Variants in C3orf20 observed in about 807,000 individuals in gnomAD.
C3orf20 encodes the protein family with sequence similarity 149 member C.
C3orf20 carries 76 observed loss-of-function variants against 88.3 expected under a neutral mutation model. That is an observed-to-expected ratio of 0.86 (90% CI 0.72 to 1.04). The LOEUF (loss-of-function observed/expected upper bound fraction) is 1.04, where lower values mean the gene tolerates loss of function less well. Ranked by LOEUF, C3orf20 falls within the 50% of genes least tolerant of loss-of-function variation. The pLI is 0.00. For missense variants in C3orf20, 1,056 were observed against 1,123.3 expected (o/e 0.94, Z 0.86); for synonymous variants, 436 against 437.4 (o/e 1.00, Z 0.04).
chr3:14,767,488 A>T (rs913276615), intron 15 of C3orf20: 1 of 152,190 alleles, frequency 6.6e-6, no homozygotes, highest in African/African-American at 2.4e-5. Context: ...TCCCTGTGGG[A>T]TGGGGGTGTA....
rs2032280871 is a variant in C3orf20 at position 14,684,306 on chromosome 3, T to C, written c.549T>C (p.Asn183=). The change falls in exon 4 of 17, where the codon AAT becomes AAC. Residue 183 remains asparagine, a synonymous_variant. Coordinates refer to ENST00000253697, the MANE Select transcript of C3orf20 (RefSeq NM_032137.5). Reference sequence around the variant, plus strand: ...AGGCCAGCCAGCTCCTCCACCTCAATGCCAAGGAGATGGCCTTCAACTGCC... The same window carrying C: ...AGGCCAGCCAGCTCCTCCACCTCAACGCCAAGGAGATGGCCTTCAACTGCC... ...FVEASQLLHL[N]AKEMAFNCLI... The C allele has an allele frequency of 6.2e-7, 1 of 1,614,038 alleles. No homozygotes were observed. Among genetic ancestry groups the C allele is most frequent in the African/African-American group, 1.3e-5 (1 of 74,922 alleles).
In C3orf20 at chr3:14,720,064, C is replaced by G. The variant is rs186200023; in HGVS notation, c.1435-1589C>G. The stretch of plus-strand genomic sequence containing the variant: ...TGTTTTTTTGAGATAGAGTCTCACT[C>G]TGTCGCCTAGGCTGGAGTGTAGTGG... On this transcript the variant is annotated intron_variant, in intron 9 of 16. Transcript: ENST00000253697. Among the ~76,000 whole-genome samples, 589 of 152,154 alleles carry G rather than the reference C, an allele frequency of 3.9e-3. 2 individuals are homozygous for G. The highest frequency in any genetic ancestry group is 5.2e-3 in the Non-Finnish European group (356 of 68,020).
intron 7 of C3orf20, among the ~76,000 whole-genome samples, chr3:14,712,848 A>C (rs2033804619): frequency 6.6e-6 from 1 of 152,186 alleles, no homozygotes; most frequent in Non-Finnish European, 1.5e-5. Flanking sequence ...ACTAGTGATT[A>C]ACTTCCTCAA....
chr3:14,679,672 C>A (rs1323794885), intron 1 of C3orf20, among the ~76,000 whole-genome samples: 3 of 152,144 alleles, frequency 2.0e-5, no homozygotes, highest in Non-Finnish European at 2.9e-5. Context: ...ATGTTCATTC[C>A]CTGAAGGCAG....
At chr3:14,684,505 C>A in intron 4 of C3orf20, 123 bp downstream of exon 4, 3 of 1,294,244 alleles carry the variant, frequency 2.3e-6, no homozygotes, top group East Asian at 2.5e-5. Flanking sequence ...GGATGTGGAG[C>A]AACAGGGATT....
At chr3:14,725,105 C>T (rs777550074) in intron 10 of C3orf20, among the ~76,000 whole-genome samples, 4 of 152,326 alleles carry the variant, frequency 2.6e-5, no homozygotes, top group African/African-American at 7.2e-5. Flanking sequence ...TGTATGACAA[C>T]ATTCTAACAA....
At chr3:14,709,337 A>G (rs774105397) in intron 7 of C3orf20, among the ~76,000 whole-genome samples, 2 of 152,080 alleles carry the variant, frequency 1.3e-5, no homozygotes, top group Admixed American at 6.6e-5. Context: ...TTCCTTTCCA[A>G]TTTTGAGGCT....
intron 3 of C3orf20, 61 bp downstream of exon 3, chr3:14,683,258 G>A: frequency 7.3e-6 from 11 of 1,509,278 alleles, no homozygotes; most frequent in Non-Finnish European, 9.7e-6. Context: ...CGTCTCAGAG[G>A]CACATGCTGG....
rs543470966 is a variant in C3orf20 at position 14,727,121 on chromosome 3, G to A, written c.1690+97G>A. 469 of 1,348,244 alleles carry A rather than the reference G, an allele frequency of 3.5e-4. 4 individuals carry two copies. In the South Asian group the frequency reaches 5.1e-3, roughly 15 times the overall value. The allele number at this position is 1,348,244 out of a possible 1,614,324, so 83.5% of individuals were successfully genotyped here. A position where few individuals can be genotyped will look rare whatever the true frequency, so the allele number is the denominator to read the frequency against. The stretch of plus-strand genomic sequence containing the variant: ...TCAAGGGACAGACCTTTACTTTACC[G>A]CCCATTCCATCTTCAGTCTGAATGT... On this transcript the variant is annotated intron_variant, in intron 11 of 16. Coordinates refer to ENST00000253697, the MANE Select transcript of C3orf20 (RefSeq NM_032137.5).
At position 14,704,398 on chromosome 3, in the gene C3orf20, TA is replaced by T. The variant is rs1349546917; in HGVS notation, c.941del (p.Tyr314SerfsTer9). The part of the protein sequence containing the change: ...NISYPMILRN[Y>X]KAKMPSHLML... ...CTCCTACCCCATGATCTTACGAAAC[TA>T]CAAGGCAAAGATGCCCTCTCATCTA... On this transcript the variant is annotated frameshift_variant, in exon 7 of 17. Transcript: ENST00000253697. LOFTEE classifies it high-confidence loss of function. The T allele has an allele frequency of 1.2e-5, 20 of 1,613,950 alleles. No homozygotes were observed. The highest frequency in any genetic ancestry group is 1.7e-5 in the Non-Finnish European group (20 of 1,180,002).
chr3:14,684,116 C>T (rs2032265595), intron 3 of C3orf20, 126 bp from the exon 4 acceptor site: 2 of 1,298,318 alleles, frequency 1.5e-6, no homozygotes, highest in Non-Finnish European at 2.1e-6. Context: ...GCCCCCTCAC[C>T]CCTGCATACC....
At position 14,772,643 on chromosome 3, in the gene C3orf20, C is replaced by A; in HGVS notation, c.2631-148C>A. 1.6e-6 allele frequency: 1 copy of A among 630,762 alleles called. No homozygotes were observed. The highest frequency in any genetic ancestry group is 2.8e-6 in the Non-Finnish European group (1 of 353,248). 39.1% of individuals were successfully genotyped at this position (630,762 alleles called of 1,614,324 possible). On this transcript the variant is annotated intron_variant, in intron 16 of 16. Transcript: ENST00000253697. This position sits in a 1 kb window ranked among gnomAD's most constrained non-coding sequence, Gnocchi z 4.2. ...GGAGCATGTAGAAAGGTCGCAGGTG[C>A]CACCGGGGCCCTCTGGTTGGAACAG... is the stretch of plus-strand genomic sequence containing the variant.
At chr3:14,764,094 T>C (rs2035635407) in intron 15 of C3orf20, among the ~76,000 whole-genome samples, 1 of 151,810 alleles carries the variant, frequency 6.6e-6, no homozygotes, top group Non-Finnish European at 1.5e-5. Flanking sequence ...ATTCCTGCAC[T>C]TACTAGATGC....
intron 2 of C3orf20, 64 bp from the exon 3 acceptor site, chr3:14,682,507 AGGGACGG>A (rs780622110): frequency 6.4e-6 from 4 of 620,726 alleles, no homozygotes; most frequent in Non-Finnish European, 1.1e-5. Context: ...TGGGTAGGTA[AGGGACGG>A]GGGACCTCCC....
chr3:14,753,911 T>C (rs982313315), intron 12 of C3orf20, among the ~76,000 whole-genome samples: 3 of 152,266 alleles, frequency 2.0e-5, no homozygotes, highest in African/African-American at 7.2e-5. Flanking sequence ...TCTTTGCAGA[T>C]TGGCTCTGTA....
intron 15 of C3orf20, among the ~76,000 whole-genome samples, chr3:14,766,508 A>C (rs1267217765): frequency 6.6e-6 from 1 of 152,124 alleles, no homozygotes; most frequent in Non-Finnish European, 1.5e-5. Context: ...CACCATGTCC[A>C]CCTGCACACG....
chr3:14,690,196 G>C, intron 5 of C3orf20, 80 bp downstream of exon 5: 1 of 1,590,686 alleles, frequency 6.3e-7, no homozygotes, highest in Non-Finnish European at 8.6e-7. Flanking sequence ...ACCCTGTGTA[G>C]GTTGGTGGGA....
At chr3:14,736,934 T>C (rs1559431032) in intron 12 of C3orf20, among the ~76,000 whole-genome samples, 1 of 152,198 alleles carries the variant, frequency 6.6e-6, no homozygotes, top group Non-Finnish European at 1.5e-5. Flanking sequence ...TTTAGCACTT[T>C]GAAGATGTCG....
chr3:14,734,283 G>A (rs1191511577), intron 12 of C3orf20, among the ~76,000 whole-genome samples: 1 of 151,846 alleles, frequency 6.6e-6, no homozygotes, highest in African/African-American at 2.4e-5. Context: ...TTCCTGAGGT[G>A]GATGCTTAGA....
Sources: allele counts gnomAD v4.1 joint callset (sites outside exome capture counted in the v4.1 genomes callset), GRCh38; gene constraint gnomAD v4.1.1; non-coding constraint Gnocchi (gnomAD v3.1); transcripts MANE v1.5; gene names NCBI Gene and HGNC (gene_info 2026-07-23, HGNC 2026-07-21).